Variants in HSD3B7 observed in about 807,000 individuals in gnomAD.
HSD3B7 encodes the protein 3 beta-hydroxysteroid dehydrogenase type 7.
HSD3B7 carries 35 observed loss-of-function variants against 34.3 expected under a neutral mutation model. The ratio of observed to expected loss-of-function variants is 1.02; its 90% CI spans 0.78 to 1.35. The LOEUF (loss-of-function observed/expected upper bound fraction) is 1.35. Among genes scored for constraint, HSD3B7 ranks in the 40% most tolerant of loss-of-function variants. The pLI is 0.00. For synonymous variants in HSD3B7, 217 were observed against 220.1 expected (o/e 0.99, Z 0.13); for missense variants, 426 against 504.7 (o/e 0.84, Z 1.49).
At position 30,986,435 on chromosome 16, in the gene HSD3B7, T is replaced by C; in HGVS notation, c.335T>C (p.Val112Ala). Residue 112 changes from valine (V) to alanine (A), a missense_variant, in exon 4 of 7, where the codon GTG becomes GCG. By Grantham distance (64) the Val-to-Ala change is moderately conservative. Coordinates refer to ENST00000297679, the MANE Select transcript of HSD3B7 (RefSeq NM_025193.4). ...HEVNVQGTRNVIEACVQTGTR... is the reference protein window; with the variant it reads ...HEVNVQGTRNAIEACVQTGTR... ...CCTCCTCTGCCAGGTACCCGGAACG[T>C]GATCGAGGCTTGTGTGCAGACCGGA... is the stretch of plus-strand genomic sequence containing the variant. 1 of 1,614,030 alleles carries C rather than the reference T, an allele frequency of 6.2e-7. No homozygotes were observed.
At chr16:30,985,877 T>C (rs1337491380) in intron 2 of HSD3B7, 53 bp downstream of exon 2, 3 of 1,584,504 alleles carry the variant, frequency 1.9e-6, no homozygotes, top group East Asian at 2.3e-5. Context: ...TCCCCAACCC[T>C]TCCCAAGCTG....
At chr16:30,985,846 G>C in intron 2 of HSD3B7, 22 bp downstream of exon 2, 1 of 1,592,074 alleles carries the variant, frequency 6.3e-7, no homozygotes, top group Non-Finnish European at 8.5e-7. Flanking sequence ...GGGAGCTTGT[G>C]GTGGAGAGGG....
rs2056449392 is a variant in HSD3B7, at chr16:30,985,259, C to T, written c.-45C>T. 4 of 1,159,234 alleles carry T rather than the reference C, an allele frequency of 3.5e-6. No homozygotes were observed. The highest frequency in any genetic ancestry group is 4.3e-6 in the Non-Finnish European group (4 of 928,558). The allele number at this position is 1,159,234 out of a possible 1,614,324, so 71.8% of individuals were successfully genotyped here. A position where few individuals can be genotyped will look rare whatever the true frequency, so the allele number is the denominator to read the frequency against. The stretch of plus-strand genomic sequence containing the variant: ...AGCCCTGGACGAAAGAAGAGGGCCC[C>T]TCCAGGCCAGTCTGGGCACCCTGGG... On this transcript the variant is annotated 5_prime_UTR_variant, in exon 1 of 7. Coordinates refer to ENST00000297679, the MANE Select transcript of HSD3B7 (RefSeq NM_025193.4).
rs1299155559 is a variant in HSD3B7, at chr16:30,988,850, A to C, written c.*667A>C. ...TGAGCAGGAAGCGAGCAGAGGCTCC[A>C]CAGGCTTACGCTGCTCTCCTGACAG... is the stretch of plus-strand genomic sequence containing the variant. On this transcript the variant is annotated 3_prime_UTR_variant, in exon 7 of 7. Coordinates refer to ENST00000297679, the MANE Select transcript of HSD3B7 (RefSeq NM_025193.4). The C allele has an allele frequency of 1.3e-5, 2 of 152,774 alleles. No individual in the cohort carries two copies. Among genetic ancestry groups the C allele is most frequent in the Non-Finnish European group, 2.9e-5 (2 of 68,496 alleles). The allele number at this position is 152,774 out of a possible 1,614,324, so 9.5% of individuals were successfully genotyped here. A position where few individuals can be genotyped will look rare whatever the true frequency, so the allele number is the denominator to read the frequency against.
intron 6 of HSD3B7, chr16:30,987,510 G>A (rs1222489231): frequency 2.4e-5 from 14 of 575,346 alleles, no homozygotes; most frequent in Non-Finnish European, 4.4e-5. Context: ...ACTCCATCCT[G>A]CAGTCCCCAA....
rs1389088104 is a variant in HSD3B7 at position 30,987,948 on chromosome 16, A to G, written c.875A>G (p.Tyr292Cys). The G allele has an allele frequency of 2.2e-5, 35 of 1,612,752 alleles. No homozygotes were observed. The highest frequency in any genetic ancestry group is 2.8e-5 in the Non-Finnish European group (33 of 1,179,998). The change falls in exon 7 of 7, where the codon TAC (tyrosine) becomes TGC (cysteine). Residue 292 changes from tyrosine (Y) to cysteine (C), a missense_variant. Tyr to Cys is a radical substitution (Grantham distance 194, BLOSUM62 -2). Coordinates refer to ENST00000297679, the MANE Select transcript of HSD3B7 (RefSeq NM_025193.4). ...RLVGARPLLPYWLLVFLAALN... is the reference protein window; with the variant it reads ...RLVGARPLLPCWLLVFLAALN... The stretch of plus-strand genomic sequence containing the variant: ...GTGGGCGCCCGCCCATTGCTGCCCT[A>G]CTGGCTGCTGGTGTTCCTGGCTGCC...
chr16:30,987,097 T>C (rs1310277531), intron 6 of HSD3B7, 95 bp downstream of exon 6: 6 of 1,351,756 alleles, frequency 4.4e-6, no homozygotes, highest in Non-Finnish European at 6.0e-6. Context: ...GAGAGAAGTG[T>C]GGACTCTGGC....
At chr16:30,985,604 T>A (rs747388163) in intron 1 of HSD3B7, 49 bp from the exon 2 acceptor site, 1 of 1,558,178 alleles carries the variant, frequency 6.4e-7, no homozygotes, top group African/African-American at 1.3e-5. Context: ...AACAGGTGGT[T>A]GCAGCAGGTG....
In HSD3B7 at chr16:30,988,355, CAG is replaced by C. The variant is rs1162165302; in HGVS notation, c.*173_*174del. On this transcript the variant is annotated 3_prime_UTR_variant, in exon 7 of 7. Coordinates refer to ENST00000297679, the MANE Select transcript of HSD3B7 (RefSeq NM_025193.4). Reference sequence around the variant, plus strand: ...CACATTTTCTTTTTCTTTTTTGAGACAGGGTCTTGCTCTGTCACCCAGACTGG... The same window carrying C: ...CACATTTTCTTTTTCTTTTTTGAGACGGTCTTGCTCTGTCACCCAGACTGG... 1.5e-6 allele frequency: 1 copy of C among 646,670 alleles called. No homozygotes were observed. Among genetic ancestry groups the C allele is most frequent in the Non-Finnish European group, 2.6e-6 (1 of 379,420 alleles). 40.1% of individuals were successfully genotyped at this position (646,670 alleles called of 1,614,324 possible).
In HSD3B7 at chr16:30,985,711, G is replaced by T. The variant is rs1487063012; in HGVS notation, c.53G>T (p.Cys18Phe). Residue 18 changes from cysteine (C) to phenylalanine (F), a missense_variant, in exon 2 of 7, where the codon TGT becomes TTT. Cys to Phe is a radical substitution (Grantham distance 205, BLOSUM62 -2). Transcript: ENST00000297679. ...CTGGTGTACCTGGTCACAGGGGGCT[G>T]TGGCTTCCTGGGAGAGCACGTGGTG... The part of the protein sequence containing the change: ...QKLVYLVTGG[C>F]GFLGEHVVRM... The T allele has an allele frequency of 1.2e-6, 2 of 1,608,718 alleles. No individual in the cohort carries two copies. Among genetic ancestry groups the T allele is most frequent in the Admixed American group, 3.4e-5 (2 of 59,686 alleles).
chr16:30,986,961 G>A lies in HSD3B7; in HGVS notation c.653G>A (p.Arg218Gln), dbSNP rs369493064. Residue 218 changes from arginine to glutamine, a missense_variant, in exon 6 of 7, where the codon CGG (arginine) becomes CAG (glutamine). By Grantham distance (43) the Arg-to-Gln change is conservative. Transcript: ENST00000297679. ...CTGCGCCTGGGAGGTTGGCTCTTCC[G>A]GGCCATCCCGGCCTCTGTGGAGCAT... ...QGLRLGGWLF[R>Q]AIPASVEHGR... 1.7e-5 allele frequency: 27 copies of A among 1,613,214 alleles called. No homozygotes were observed. Among genetic ancestry groups the A allele is most frequent in the Admixed American group, 3.3e-5 (2 of 60,008 alleles).
At chr16:30,986,365 G>A (rs898613123) in intron 3 of HSD3B7, 58 bp from the exon 4 acceptor site, 45 of 1,574,636 alleles carry the variant, frequency 2.9e-5, no homozygotes, top group Admixed American at 8.4e-5. Flanking sequence ...GGGATGGGGA[G>A]GAGGAAGATG....
chr16:30,986,295 T>C (rs776297126), intron 3 of HSD3B7, 91 bp downstream of exon 3: 150 of 1,565,012 alleles, frequency 9.6e-5, no homozygotes, highest in Middle Eastern at 1.7e-4. Flanking sequence ...CTGGGACAAG[T>C]TGTCCTATTG....
In HSD3B7 at chr16:30,986,545, C is replaced by A. The variant is rs779316697; in HGVS notation, c.431+14C>A. On this transcript the variant is annotated intron_variant, in intron 4 of 6. Coordinates refer to ENST00000297679, the MANE Select transcript of HSD3B7 (RefSeq NM_025193.4). ...CCCCTTCTACAGGTGAGTGGCAGGC[C>A]CTCTTGTCCTCTAAGAGCCCATTTC... The A allele has an allele frequency of 1.2e-6, 2 of 1,612,728 alleles. No homozygotes were observed. Among genetic ancestry groups the A allele is most frequent in the Non-Finnish European group, 8.5e-7 (1 of 1,178,736 alleles).
rs149180275 is a variant in HSD3B7 at position 30,985,961 on chromosome 16, G to A, written c.167-88G>A. ...TGGATGGGTCGAGTGAGTCACATTG[G>A]GAACGTGACTCCAGGGTGGAAGATG... On this transcript the variant is annotated intron_variant, in intron 2 of 6. Coordinates refer to ENST00000297679, the MANE Select transcript of HSD3B7 (RefSeq NM_025193.4). The A allele has an allele frequency of 4.6e-4, 721 of 1,570,314 alleles. 3 individuals carry two copies. The African/African-American group carries it at 7.4e-3, about 16-fold the overall frequency.
At position 30,985,801 on chromosome 16, in the gene HSD3B7, C is replaced by A; in HGVS notation, c.143C>A (p.Pro48His). Residue 48 changes from proline (P) to histidine (H), a missense_variant, in exon 2 of 7, where the codon CCC becomes CAC. Coordinates refer to ENST00000297679, the MANE Select transcript of HSD3B7 (RefSeq NM_025193.4). ...CGGGTCTTTGACCAACACCTGGGTC[C>A]CTGGCTGGAGGAGCTGAAGACAGGT... ...ELRVFDQHLG[P>H]WLEELKTGPV... 7 of 1,602,586 alleles carry A rather than the reference C, an allele frequency of 4.4e-6. No individual in the cohort carries two copies. Among genetic ancestry groups the A allele is most frequent in the Non-Finnish European group, 6.0e-6 (7 of 1,175,862 alleles).
rs756501110 is a variant in HSD3B7, at chr16:30,988,001, C to T, written c.928C>T (p.Arg310Trp). ...ALNALLQWLL[R>W]PLVLYAPLLN... ...CAATGCCCTGCTGCAGTGGCTGCTG[C>T]GGCCACTGGTGCTCTACGCACCCCT... The change falls in exon 7 of 7, where the codon CGG (arginine) becomes TGG (tryptophan). Residue 310 changes from arginine to tryptophan, a missense_variant. Arg to Trp is a moderately radical substitution (Grantham distance 101). Coordinates refer to ENST00000297679, the MANE Select transcript of HSD3B7 (RefSeq NM_025193.4). The T allele has an allele frequency of 1.9e-5, 30 of 1,609,284 alleles. No homozygotes were observed. Among genetic ancestry groups the T allele is most frequent in the Non-Finnish European group, 1.9e-5 (23 of 1,179,988 alleles).
chr16:30,985,695 C>T lies in HSD3B7; in HGVS notation c.37C>T (p.Leu13=). 2 of 1,608,622 alleles carry T rather than the reference C, an allele frequency of 1.2e-6. No homozygotes were observed. The highest frequency in any genetic ancestry group is 1.7e-6 in the Non-Finnish European group (2 of 1,179,426). ...DSAQAQKLVY[L]VTGGCGFLGE... is the part of the protein sequence containing the mutation. ...TGCACAGGCCCAGAAGCTGGTGTACCTGGTCACAGGGGGCTGTGGCTTCCT... is the reference window on the plus strand; with the variant it reads ...TGCACAGGCCCAGAAGCTGGTGTACTTGGTCACAGGGGGCTGTGGCTTCCT... Residue 13 remains leucine, a synonymous_variant, in exon 2 of 7, where the codon CTG becomes TTG. Transcript: ENST00000297679.
chr16:30,986,362 G>A, intron 3 of HSD3B7, 61 bp from the exon 4 acceptor site: 1 of 1,572,922 alleles, frequency 6.4e-7, no homozygotes, highest in South Asian at 1.1e-5. Context: ...CCTGGGATGG[G>A]GAGGAGGAAG....
Sources: allele counts gnomAD v4.1 joint callset, GRCh38; gene constraint gnomAD v4.1.1; transcripts MANE v1.5; gene names NCBI Gene and HGNC (gene_info 2026-07-23, HGNC 2026-07-21).